The following STKLD1 variants were observed in gnomAD, a reference collection of about 807,000 sequenced individuals.
The protein encoded by STKLD1 is serine/threonine kinase-like domain-containing protein STKLD1.
Under a neutral mutation model 80.4 loss-of-function variants are expected in STKLD1, and 79 were observed. The ratio of observed to expected loss-of-function variants is 0.98; its 90% confidence interval spans 0.82 to 1.19. The LOEUF is 1.19. Among genes scored for constraint, STKLD1 ranks in the 50% most tolerant of loss-of-function variants. The pLI is 0.00. For missense variants in STKLD1, 841 were observed against 856.0 expected, an observed-to-expected ratio of 0.98 and a Z score of 0.22; for synonymous variants, 393 against 357.6, an observed-to-expected ratio of 1.10 and a Z score of -1.12.
rs782196013 is a variant in STKLD1 at position 133,403,716 on chromosome 9, G to A, written c.1491G>A (p.Lys497=). The A allele has an allele frequency of 1.4e-5, 22 of 1,613,560 alleles. No homozygotes were observed. The highest frequency in any genetic ancestry group is 1.8e-5 in the Non-Finnish European group (21 of 1,179,862). The change falls in exon 15 of 18, where the codon AAG becomes AAA. Residue 497 remains lysine, a synonymous_variant. Transcript: ENST00000371957. ...TCGTTCCAGGTATCATTGTGAACAA[G>A]GCCCCCTTGGAGAAGGTCCCGGACC... ...ALLLDGIIVN[K]APLEKVPDLI...
At chr9:133,387,263 A>C (rs2130279082) in intron 4 of STKLD1, among the ~76,000 whole-genome samples, 184 bp from the exon 5 acceptor site, 42 of 151,242 alleles carry the variant, frequency 2.8e-4, no homozygotes, top group Admixed American at 9.9e-4. Context: ...GGAGCCTGGG[A>C]ATGGGGAGAG....
At chr9:133,388,389 A>G (rs1247478175) in intron 5 of STKLD1, among the ~76,000 whole-genome samples, 1 of 152,202 alleles carries the variant, frequency 6.6e-6, no homozygotes, top group East Asian at 1.9e-4. Flanking sequence ...CTGGGACTAC[A>G]GGTGCCCACC....
At position 133,389,610 on chromosome 9, in the gene STKLD1, CT is replaced by C. The variant is rs1247789181; in HGVS notation, c.467+15del. 6 of 1,613,252 alleles carry C rather than the reference CT, an allele frequency of 3.7e-6. No individual in the cohort carries two copies. The highest frequency in any genetic ancestry group is 5.1e-6 in the Non-Finnish European group (6 of 1,179,846). On this transcript the variant is annotated intron_variant, in intron 6 of 17. Transcript: ENST00000371957. The surrounding 1 kb of genome is among the most constrained non-coding windows in gnomAD (Gnocchi z 6.4). The stretch of plus-strand genomic sequence containing the variant: ...CATCATCCACAGGTAAGTGGGGCCC[CT>C]GACCTCTGCGGACTGGCTGGCTGCT...
At chr9:133,393,116 T>C (rs1292285988) in intron 7 of STKLD1, among the ~76,000 whole-genome samples, 1 of 57,522 alleles carries the variant, frequency 1.7e-5, no homozygotes, top group Non-Finnish European at 3.3e-5. Context: ...TGTGGGTGGG[T>C]GGGCATATGG....
At chr9:133,378,615 C>T (rs1159741312) in intron 1 of STKLD1, among the ~76,000 whole-genome samples, 1 of 152,262 alleles carries the variant, frequency 6.6e-6, no homozygotes, top group Non-Finnish European at 1.5e-5. Flanking sequence ...CCATGCCAGG[C>T]ACACAATGGC....
Position 133,392,074 on chromosome 9 carries a change from C to CTTTTT in STKLD1, c.583+1294_583+1298dup, listed in dbSNP as rs869053878. ...TGGCAGTTGCTGGTTGCACTCTGTC[C>CTTTTT]TTTTTTTTTTTTTTTTTTTTGAGGC... is the stretch of plus-strand genomic sequence containing the variant. On this transcript the variant is annotated intron_variant, in intron 7 of 17. Coordinates refer to ENST00000371957, the MANE Select transcript of STKLD1 (RefSeq NM_153710.5). Among the ~76,000 whole-genome samples, 33 of 132,760 alleles carry CTTTTT rather than the reference C, an allele frequency of 2.5e-4. 1 individual carries two copies. The East Asian group carries it at 7.1e-3, about 29-fold the overall frequency. The allele number at this position is 132,760 out of a possible 152,430, so 87.1% of individuals were successfully genotyped here. A position where few individuals can be genotyped will look rare whatever the true frequency, so the allele number is the denominator to read the frequency against.
At position 133,405,148 on chromosome 9, in the gene STKLD1, T is replaced by C. The variant is rs114060165; in HGVS notation, c.1874-104T>C. 4,982 of 1,435,408 alleles carry C rather than the reference T, an allele frequency of 3.5e-3. 141 individuals carry two copies. The African/African-American group carries it at 0.062, about 18-fold the overall frequency. 88.9% of individuals were successfully genotyped at this position (1,435,408 alleles called of 1,614,324 possible). ...CGGAACTGCAAGGTGGCTCTGTGCATGCCAAGCCCAAGGGGGAATGTGACC... is the reference window on the plus strand; with the variant it reads ...CGGAACTGCAAGGTGGCTCTGTGCACGCCAAGCCCAAGGGGGAATGTGACC... On this transcript the variant is annotated intron_variant, in intron 17 of 17. Coordinates refer to ENST00000371957, the MANE Select transcript of STKLD1 (RefSeq NM_153710.5).
chr9:133,391,972 C>A (rs2130290678), intron 7 of STKLD1, among the ~76,000 whole-genome samples: 1 of 151,564 alleles, frequency 6.6e-6, no homozygotes, highest in East Asian at 1.9e-4. Context: ...GAGACGAGTT[C>A]TCGTTCCTTT....
chr9:133,404,452 A>T (rs76238963), intron 16 of STKLD1, among the ~76,000 whole-genome samples: 1 of 152,146 alleles, frequency 6.6e-6, no homozygotes, highest in South Asian at 2.1e-4. Context: ...CTCGGCCCAC[A>T]GCACAGTCCT....
At chr9:133,400,839 G>A (rs927641926) in intron 12 of STKLD1, among the ~76,000 whole-genome samples, 3 of 152,226 alleles carry the variant, frequency 2.0e-5, no homozygotes, top group Non-Finnish European at 4.4e-5. Context: ...GGAGCTTGGA[G>A]ACGCGGATCC....
Position 133,394,129 on chromosome 9 carries a change from A to T in STKLD1, c.584-162A>T, listed in dbSNP as rs1838494614. The T allele has an allele frequency of 1.5e-6, 1 of 654,264 alleles. No individual in the cohort carries two copies. The highest frequency in any genetic ancestry group is 1.8e-5 in the African/African-American group (1 of 55,460). The allele number at this position is 654,264 out of a possible 1,614,324, so 40.5% of individuals were successfully genotyped here. On this transcript the variant is annotated intron_variant, in intron 7 of 17. Coordinates refer to ENST00000371957, the MANE Select transcript of STKLD1 (RefSeq NM_153710.5). The surrounding 1 kb of genome is among the most constrained non-coding windows in gnomAD (Gnocchi z 4.9). ...TGGGGCCTCTTCCTCCCCACAGTTA[A>T]TATTCTCCACCTCTTCTGAGAAGAG...
intron 5 of STKLD1, 88 bp downstream of exon 5, chr9:133,387,636 C>A (rs902310122): frequency 1.9e-5 from 19 of 1,026,672 alleles, no homozygotes; most frequent in Non-Finnish European, 2.9e-5. Context: ...AGCGGGAGGG[C>A]AGGCACCATG....
At position 133,394,544 on chromosome 9, in the gene STKLD1, T is replaced by C. The variant is rs1264485733; in HGVS notation, c.702+135T>C. On this transcript the variant is annotated intron_variant, in intron 8 of 17. Coordinates refer to ENST00000371957, the MANE Select transcript of STKLD1 (RefSeq NM_153710.5). The surrounding 1 kb of genome is among the most constrained non-coding windows in gnomAD (Gnocchi z 4.9). ...CTCTGCAGGCTGCACAGAGCCCTCT[T>C]CTCCACCTGCGAGGGGCCTGCCCTC... The C allele has an allele frequency of 2.0e-5, 14 of 697,504 alleles. No individual in the cohort carries two copies. In the Admixed American group the frequency reaches 3.0e-4, roughly 15 times the overall value. 43.2% of individuals were successfully genotyped at this position (697,504 alleles called of 1,614,324 possible). A position where few individuals can be genotyped will look rare whatever the true frequency, so the allele number is the denominator to read the frequency against.
chr9:133,397,070 TG>T (rs2130677859), intron 9 of STKLD1, 93 bp from the exon 10 acceptor site: 4 of 1,564,442 alleles, frequency 2.6e-6, no homozygotes, highest in Non-Finnish European at 3.5e-6. Context: ...TCCGCACCAA[TG>T]GGCAGCCCGG....
rs1295071021 is a variant in STKLD1 at position 133,383,853 on chromosome 9, C to T, written c.175-3C>T. On this transcript the variant is annotated splice_polypyrimidine_tract_variant and splice_region_variant and intron_variant, in intron 2 of 17. Transcript: ENST00000371957. The stretch of plus-strand genomic sequence containing the variant: ...TTAAGCTCATGCTCTTGTGCCCTTG[C>T]AGGTGGAATGCATGGATGACCATTA... The T allele has an allele frequency of 1.4e-5, 22 of 1,613,732 alleles. No individual in the cohort carries two copies. The highest frequency in any genetic ancestry group is 1.9e-5 in the Non-Finnish European group (22 of 1,179,888).
chr9:133,383,805 G>A lies in STKLD1; in HGVS notation c.175-51G>A, dbSNP rs2130270939. On this transcript the variant is annotated intron_variant, in intron 2 of 17. Coordinates refer to ENST00000371957, the MANE Select transcript of STKLD1 (RefSeq NM_153710.5). ...TGGTGGTGGTGATGGCGGTGATAAC[G>A]GAGATGATTTGCTACATGTTTATTA... The A allele has an allele frequency of 6.9e-4, 1,082 of 1,577,450 alleles. 3 individuals are homozygous for A. The highest frequency in any genetic ancestry group is 7.7e-4 in the African/African-American group (57 of 74,170).
At position 133,381,544 on chromosome 9, in the gene STKLD1, AG is replaced by A. The variant is rs1393657902; in HGVS notation, c.175-2310del. Among the ~76,000 whole-genome samples the A allele has an allele frequency of 4.2e-5, 6 of 141,334 alleles. No individual in the cohort carries two copies. In the Admixed American group the frequency reaches 4.4e-4, roughly 10 times the overall value. The allele number at this position is 141,334 out of a possible 152,430, so 92.7% of individuals were successfully genotyped here. A position where few individuals can be genotyped will look rare whatever the true frequency, so the allele number is the denominator to read the frequency against. On this transcript the variant is annotated intron_variant, in intron 2 of 17. Coordinates refer to ENST00000371957, the MANE Select transcript of STKLD1 (RefSeq NM_153710.5). ...CGGCACACTGCAACCCCCTTCTCCCAGGTTCAAGTGATTCTCCTGCCTCAGC... is the reference window on the plus strand; with the variant it reads ...CGGCACACTGCAACCCCCTTCTCCCAGTTCAAGTGATTCTCCTGCCTCAGC...
chr9:133,402,874 ACAGAGT>A lies in STKLD1; in HGVS notation c.1345_1350del (p.Glu449_Ser450del). On this transcript the variant is annotated splice_acceptor_variant and splice_polypyrimidine_tract_variant and coding_sequence_variant and intron_variant, in exon 14 of 18. Transcript: ENST00000371957. LOFTEE classifies it high-confidence loss of function. ...CTGGGGCCCTCATTCTGGCTCACCC[ACAGAGT>A]CAGAGTCACTGTCAGAGGAGCTGCA... The A allele has an allele frequency of 2.3e-5, 37 of 1,595,466 alleles. No homozygotes were observed. The highest frequency in any genetic ancestry group is 2.8e-5 in the Non-Finnish European group (33 of 1,171,304).
In STKLD1 at chr9:133,401,816, AC is replaced by A; in HGVS notation, c.1281del (p.Glu428ArgfsTer13). On this transcript the variant is annotated frameshift_variant, in exon 13 of 18. Transcript: ENST00000371957. LOFTEE classifies it high-confidence loss of function. ...TSTLLSALQSHPEEEPLLVMV... is the reference protein window; with the variant it reads ...TSTLLSALQSXPEEEPLLVMV... ...ACCCTGCTGAGTGCTCTTCAGAGCC[AC>A]CCCGAGGAGGAGCCACTTCTTGTCA... The A allele has an allele frequency of 1.9e-6, 3 of 1,613,464 alleles. No homozygotes were observed. The highest frequency in any genetic ancestry group is 2.5e-6 in the Non-Finnish European group (3 of 1,179,982).
Sources: gnomAD v4.1 joint callset for allele counts (sites outside exome capture counted in the v4.1 genomes callset) on GRCh38, gnomAD v4.1.1 for gene constraint, Gnocchi (gnomAD v3.1) non-coding constraint, MANE v1.5 for transcripts, NCBI Gene and HGNC (gene_info 2026-07-23, HGNC 2026-07-21) for gene names.